The following TAFA4 variants were observed in gnomAD, a reference collection of about 807,000 sequenced individuals.
TAFA4 encodes the protein chemokine-like protein TAFA-4.
Under a neutral mutation model 21.1 loss-of-function variants are expected in TAFA4, and 20 were observed. The ratio of observed to expected loss-of-function variants is 0.95; its 90% CI spans 0.67 to 1.38. The LOEUF is 1.38. Ranked by LOEUF, TAFA4 falls within the 40% of genes most tolerant of loss-of-function variation. The pLI is 0.00. For missense variants in TAFA4, 211 were observed against 180.9 expected, an observed-to-expected ratio of 1.17 and a Z score of -0.95; for synonymous variants, 71 against 67.4, an observed-to-expected ratio of 1.05 and a Z score of -0.26.
At chr3:68,819,020 C>A (rs1174481082) in intron 3 of TAFA4, among the ~76,000 whole-genome samples, 1 of 152,104 alleles carries the variant, frequency 6.6e-6, no homozygotes, top group African/African-American at 2.4e-5. Flanking sequence ...TGCCTACAAT[C>A]CCAGCATTTT....
At chr3:68,838,662 G>GTTT (rs1163149222) in intron 3 of TAFA4, among the ~76,000 whole-genome samples, 1 of 152,102 alleles carries the variant, frequency 6.6e-6, no homozygotes, top group African/African-American at 2.4e-5. Context: ...TTACCCCTTT[G>GTTT]TTAACCCTTT....
At chr3:68,871,413 T>C (rs1254451846) in intron 3 of TAFA4, among the ~76,000 whole-genome samples, 1 of 152,100 alleles carries the variant, frequency 6.6e-6, no homozygotes, top group Non-Finnish European at 1.5e-5. Flanking sequence ...TCGCTCACTA[T>C]ATACAAAAAT....
chr3:68,833,322 G>A (rs894088965), intron 3 of TAFA4, among the ~76,000 whole-genome samples: 6 of 152,086 alleles, frequency 3.9e-5, no homozygotes, highest in Admixed American at 6.5e-5. Context: ...CAGCCATCTC[G>A]GAAGCGACTA....
At chr3:68,785,730 C>T (rs1703245423) in intron 3 of TAFA4, among the ~76,000 whole-genome samples, 1 of 152,248 alleles carries the variant, frequency 6.6e-6, no homozygotes, top group Non-Finnish European at 1.5e-5. Flanking sequence ...CAGCGGCAGG[C>T]TGAAGGGCTC....
chr3:68,921,034 G>A (rs933503242), intron 1 of TAFA4, among the ~76,000 whole-genome samples: 3 of 152,072 alleles, frequency 2.0e-5, no homozygotes, highest in African/African-American at 7.2e-5. Context: ...CGGCAGCCAG[G>A]GAGGAGAACT....
chr3:68,785,052 G>C (rs1476860151), intron 3 of TAFA4, among the ~76,000 whole-genome samples: 1 of 151,716 alleles, frequency 6.6e-6, no homozygotes, highest in South Asian at 2.1e-4. Flanking sequence ...TAGACATAAA[G>C]GTTCTCCAAG....
intron 1 of TAFA4, among the ~76,000 whole-genome samples, chr3:68,918,905 T>G (rs1055450811): frequency 7.2e-6 from 1 of 138,196 alleles, no homozygotes; most frequent in African/African-American, 2.9e-5. Context: ...CAAATTGCAA[T>G]TCACTTTGTT....
intron 4 of TAFA4, among the ~76,000 whole-genome samples, chr3:68,742,093 AACAGAATGAAGG>A (rs1215138325): frequency 6.6e-6 from 1 of 152,232 alleles, no homozygotes; most frequent in African/African-American, 2.4e-5. Flanking sequence ...ACACCACATT[AACAGAATGAAGG>A]ATAAAAATCA....
rs915408900 is a variant in TAFA4, at chr3:68,767,842, C to T, written c.131-14824G>A. 2.5e-4 allele frequency among the ~76,000 whole-genome samples: 38 copies of T among 151,804 alleles called. 1 individual carries two copies. Among genetic ancestry groups the T allele is most frequent in the African/African-American group, 9.2e-4 (38 of 41,326 alleles). On this transcript the variant is annotated intron_variant, in intron 3 of 5. Transcript: ENST00000295569. ...ATATGTGCACACACATATATGCATA[C>T]ATGTACAAGAATTGATTCCTTTGCA...
chr3:68,899,074 T>C (rs2089819747), intron 1 of TAFA4, among the ~76,000 whole-genome samples: 2 of 152,160 alleles, frequency 1.3e-5, no homozygotes, highest in African/African-American at 2.4e-5. Context: ...ACACTGGCCA[T>C]AGCTGCGTAG....
intron 1 of TAFA4, among the ~76,000 whole-genome samples, chr3:68,885,762 AGAT>A (rs1452685566): frequency 1.3e-5 from 2 of 152,242 alleles, no homozygotes; most frequent in Non-Finnish European, 2.9e-5. Flanking sequence ...ATAAGCCTGA[AGAT>A]GATGCTAGAC....
intron 3 of TAFA4, among the ~76,000 whole-genome samples, chr3:68,873,337 T>TACATACACACACACAC: frequency 7.5e-6 from 1 of 133,514 alleles, no homozygotes; most frequent in South Asian, 3.0e-4. Context: ...CACGCAGACA[T>TACATACACACACACAC]ACACACACAC....
intron 1 of TAFA4, among the ~76,000 whole-genome samples, chr3:68,927,693 G>A (rs2090121822): frequency 6.6e-6 from 1 of 152,156 alleles, no homozygotes; most frequent in Non-Finnish European, 1.5e-5. Context: ...TAGCCCAGGA[G>A]TTCGACACCA....
intron 3 of TAFA4, among the ~76,000 whole-genome samples, chr3:68,778,997 A>C (rs540729835): frequency 3.9e-4 from 59 of 152,360 alleles, no homozygotes; most frequent in Middle Eastern, 3.4e-3. Flanking sequence ...TTTGCCCAAA[A>C]TGCTGATAGC....
chr3:68,791,707 G>A (rs1703364563), intron 3 of TAFA4, among the ~76,000 whole-genome samples: 1 of 152,196 alleles, frequency 6.6e-6, no homozygotes, highest in African/African-American at 2.4e-5. Flanking sequence ...TTGTCATGAA[G>A]CAGAGATCTC....
intron 4 of TAFA4, among the ~76,000 whole-genome samples, chr3:68,746,287 G>A (rs1229416687): frequency 6.6e-6 from 1 of 152,054 alleles, no homozygotes; most frequent in African/African-American, 2.4e-5. Flanking sequence ...CCTTGTTACT[G>A]TGTGAGTTAA....
Position 68,861,970 on chromosome 3 carries a change from G to A in TAFA4, c.130+18760C>T, listed in dbSNP as rs868594544. ...CGTGCAAGCTCCAGGTCCCCACACTGCCATATTATGCAACTTGTTCCACAT... is the reference window on the plus strand; with the variant it reads ...CGTGCAAGCTCCAGGTCCCCACACTACCATATTATGCAACTTGTTCCACAT... On this transcript the variant is annotated intron_variant, in intron 3 of 5. Coordinates refer to ENST00000295569, the MANE Select transcript of TAFA4 (RefSeq NM_182522.5). 2.0e-5 allele frequency among the ~76,000 whole-genome samples: 3 copies of A among 151,942 alleles called. No individual in the cohort carries two copies. In the South Asian group the frequency reaches 6.2e-4, roughly 32 times the overall value.
Position 68,880,729 on chromosome 3 carries a change from C to G in TAFA4, c.130+1G>C. On this transcript the variant is annotated splice_donor_variant, in intron 3 of 5. Coordinates refer to ENST00000295569, the MANE Select transcript of TAFA4 (RefSeq NM_182522.5). LOFTEE classifies it high-confidence loss of function. ...GTGCATAATGAGCTTAAAGGGCTTACCTGCATGTCCCCGGAGGTGCTGGCT... is the reference window on the plus strand; with the variant it reads ...GTGCATAATGAGCTTAAAGGGCTTAGCTGCATGTCCCCGGAGGTGCTGGCT... 6.2e-7 allele frequency: 1 copy of G among 1,613,714 alleles called. No homozygotes were observed. The highest frequency in any genetic ancestry group is 8.5e-7 in the Non-Finnish European group (1 of 1,179,706).
intron 3 of TAFA4, among the ~76,000 whole-genome samples, chr3:68,841,943 T>C (rs1704676388): frequency 6.6e-6 from 1 of 152,236 alleles, no homozygotes; most frequent in African/African-American, 2.4e-5. Flanking sequence ...ATCCAGTCTA[T>C]CATTGATGAG....
Sources: allele counts gnomAD v4.1 joint callset (sites outside exome capture counted in the v4.1 genomes callset), GRCh38; gene constraint gnomAD v4.1.1; transcripts MANE v1.5; gene names NCBI Gene and HGNC (gene_info 2026-07-23, HGNC 2026-07-21).